The following ARFGEF1 variants were observed in gnomAD, a reference collection of about 807,000 sequenced individuals.
The protein encoded by ARFGEF1 is ARF guanine nucleotide exchange factor 1, also known as brefeldin A-inhibited guanine nucleotide-exchange protein 1.
Under a neutral mutation model 231.0 loss-of-function variants are expected in ARFGEF1, and 42 were observed. The observed-to-expected ratio is 0.18, with a 90% confidence interval of 0.14 to 0.24. ARFGEF1 has a LOEUF of 0.24. ARFGEF1 is among the 10% of genes least tolerant of loss of function. The pLI, the probability that ARFGEF1 is intolerant of heterozygous loss-of-function variation, is 1.00. For missense variants in ARFGEF1, 1,345 were observed against 2,192.0 expected (o/e 0.61, Z 7.72); for synonymous variants, 710 against 732.3 (o/e 0.97, Z 0.49).
intron 1 of ARFGEF1, among the ~76,000 whole-genome samples, chr8:67,332,823 G>A (rs2128934414): frequency 6.6e-6 from 1 of 152,206 alleles, no homozygotes; most frequent in Middle Eastern, 3.4e-3. Context: ...GACTATGTAG[G>A]CTCTAAGGTC....
At chr8:67,191,282 T>G (rs1836159657) in intron 5 of ARFGEF1, among the ~76,000 whole-genome samples, 1 of 152,210 alleles carries the variant, frequency 6.6e-6, no homozygotes, top group Admixed American at 6.5e-5. Context: ...GTAGGCAGCT[T>G]GGGCAATTTC....
In ARFGEF1 at chr8:67,343,749, C is replaced by T; in HGVS notation, c.-462G>A. On this transcript the variant is annotated 5_prime_UTR_variant, in exon 1 of 39. Transcript: ENST00000262215. The stretch of plus-strand genomic sequence containing the variant: ...GCCGCGAACTGGCCCCCATCACCGC[C>T]GACCTGCCCCGGCCGCCATGTTGGG... 3.4e-6 allele frequency: 1 copy of T among 292,058 alleles called. No homozygotes were observed. The highest frequency in any genetic ancestry group is 5.1e-6 in the Non-Finnish European group (1 of 194,734). The allele number at this position is 292,058 out of a possible 1,614,324, so 18.1% of individuals were successfully genotyped here.
intron 19 of ARFGEF1, among the ~76,000 whole-genome samples, chr8:67,245,557 C>T (rs1373769656): frequency 6.7e-6 from 1 of 150,150 alleles, no homozygotes; most frequent in Admixed American, 6.7e-5. Context: ...TAAGATAGTA[C>T]TTGCAAGCCT....
At chr8:67,183,550 G>A (rs1044535040) in intron 5 of ARFGEF1, among the ~76,000 whole-genome samples, 4 of 152,054 alleles carry the variant, frequency 2.6e-5, no homozygotes, top group Non-Finnish European at 4.4e-5. Context: ...TCTAAATAAC[G>A]CATAGGTCAG....
intron 1 of ARFGEF1, among the ~76,000 whole-genome samples, chr8:67,311,305 C>T (rs1451568093): frequency 1.5e-5 from 2 of 129,664 alleles, no homozygotes; most frequent in Non-Finnish European, 3.3e-5. Flanking sequence ...TCAGCCCCCC[C>T]GCCCGGCCAG....
At chr8:67,294,080 T>G (rs1178805131) in intron 5 of ARFGEF1, among the ~76,000 whole-genome samples, 1 of 152,144 alleles carries the variant, frequency 6.6e-6, no homozygotes, top group Non-Finnish European at 1.5e-5. Context: ...CTTTTTTTTT[T>G]GGTCGTTATT....
intron 13 of ARFGEF1, 38 bp from the exon 14 acceptor site, chr8:67,266,245 C>CAAAA: frequency 6.6e-7 from 1 of 1,514,906 alleles, no homozygotes; most frequent in Admixed American, 2.1e-5. Context: ...ATTATTCTAT[C>CAAAA]AAAGAAAAAA....
At chr8:67,321,176 G>T (rs1807573695) in intron 1 of ARFGEF1, among the ~76,000 whole-genome samples, 1 of 151,840 alleles carries the variant, frequency 6.6e-6, no homozygotes, top group Admixed American at 6.6e-5. Flanking sequence ...GGGGGGTTTG[G>T]GGGTGCTAAA....
chr8:67,339,796 G>GGGGGGGAGC (rs1491132629), intron 1 of ARFGEF1, among the ~76,000 whole-genome samples: 1 of 14,640 alleles, frequency 6.8e-5, no homozygotes, highest in East Asian at 2.8e-3. Flanking sequence ...AGTGTGGGGC[G>GGGGGGGAGC]GGGGGGGGGA....
chr8:67,327,240 G>C (rs769317887), intron 1 of ARFGEF1, among the ~76,000 whole-genome samples: 11 of 151,452 alleles, frequency 7.3e-5, no homozygotes, highest in Non-Finnish European at 1.3e-4. Flanking sequence ...CCACATGCTT[G>C]AGAAAGAAGA....
At chr8:67,253,690 T>C (rs1438420901) in intron 17 of ARFGEF1, 68 bp from the exon 18 acceptor site, 13 of 852,828 alleles carry the variant, frequency 1.5e-5, no homozygotes, top group Admixed American at 1.1e-4. Context: ...TTTAAGGATA[T>C]GAATATTTAC....
chr8:67,300,902 T>A (rs1035890048), intron 3 of ARFGEF1, among the ~76,000 whole-genome samples: 1 of 150,832 alleles, frequency 6.6e-6, no homozygotes, highest in African/African-American at 2.4e-5. Flanking sequence ...CAAATGGTGA[T>A]GTATGTAAAG....
At chr8:67,316,711 C>T (rs1006585781) in intron 1 of ARFGEF1, among the ~76,000 whole-genome samples, 10 of 152,120 alleles carry the variant, frequency 6.6e-5, no homozygotes, top group African/African-American at 2.2e-4. Flanking sequence ...CTGCCCTCCT[C>T]GACCTCCCAA....
In ARFGEF1 at chr8:67,233,049, T is replaced by A. The variant is rs1839605101; in HGVS notation, c.3290-104A>T. 1.1e-5 allele frequency: 10 copies of A among 936,958 alleles called. No homozygotes were observed. The East Asian group carries it at 2.5e-4, about 24-fold the overall frequency. 58.0% of individuals were successfully genotyped at this position (936,958 alleles called of 1,614,324 possible). ...CTTCTGAAATCAACTGCTTTCCTAA[T>A]AACAGAATGCTTCAGGTGAACAATT... On this transcript the variant is annotated intron_variant, in intron 22 of 38. Coordinates refer to ENST00000262215, the MANE Select transcript of ARFGEF1 (RefSeq NM_006421.5).
intron 1 of ARFGEF1, among the ~76,000 whole-genome samples, chr8:67,318,669 C>G (rs970983669): frequency 6.6e-6 from 1 of 152,088 alleles, no homozygotes; most frequent in Non-Finnish European, 1.5e-5. Context: ...ACTGGAAACC[C>G]AAAATTTTAA....
chr8:67,215,130 G>A (rs991780010), intron 33 of ARFGEF1, among the ~76,000 whole-genome samples: 1 of 152,120 alleles, frequency 6.6e-6, no homozygotes, highest in Non-Finnish European at 1.5e-5. Context: ...TTACAAACCT[G>A]TTTTCTAGGT....
chr8:67,251,185 A>G (rs139642695), intron 19 of ARFGEF1, 114 bp downstream of exon 19: 1 of 973,002 alleles, frequency 1.0e-6, no homozygotes. Flanking sequence ...TTTCACCTCA[A>G]TATGTCTACA....
At chr8:67,271,610 T>C in intron 10 of ARFGEF1, 92 bp downstream of exon 10, 1 of 915,764 alleles carries the variant, frequency 1.1e-6, no homozygotes. Context: ...TATTATTTCA[T>C]TCTGGAGAAC....
intron 1 of ARFGEF1, among the ~76,000 whole-genome samples, chr8:67,327,906 T>C (rs1037980488): frequency 2.0e-5 from 3 of 152,192 alleles, no homozygotes; most frequent in Non-Finnish European, 4.4e-5. Context: ...CCTATATTGT[T>C]GACTACTTGA....
Sources: allele counts gnomAD v4.1 joint callset (sites outside exome capture counted in the v4.1 genomes callset), GRCh38; gene constraint gnomAD v4.1.1; transcripts MANE v1.5; gene names NCBI Gene and HGNC (gene_info 2026-07-23, HGNC 2026-07-21).